The following FAR2 variants were observed in gnomAD, a reference collection of about 807,000 sequenced individuals.
FAR2 encodes fatty acyl-CoA reductase 2.
Under a neutral mutation model 56.0 loss-of-function variants are expected in FAR2, and 19 were observed. That is an observed-to-expected ratio of 0.34 (90% CI 0.24 to 0.50). FAR2 has a LOEUF of 0.50. Ranked by LOEUF, FAR2 falls within the 20% of genes least tolerant of loss-of-function variation. FAR2 has a pLI of 0.98. For missense variants in FAR2, 508 were observed against 642.2 expected (o/e 0.79, Z 2.26); for synonymous variants, 219 against 218.8 (o/e 1.00, Z -0.01).
chr12:29,277,936 T>TC (rs1565501574), intron 2 of FAR2: 7 of 131,654 alleles, frequency 5.3e-5, no homozygotes, highest in Admixed American at 2.8e-4. Flanking sequence ...TTCTTTCTTT[T>TC]TTTTTTTTTT....
intron 1 of FAR2, among the ~76,000 whole-genome samples, chr12:29,269,502 T>C (rs533227040): frequency 6.6e-6 from 1 of 152,290 alleles, no homozygotes; most frequent in African/African-American, 2.4e-5. Context: ...TGAGGCGACA[T>C]ACATCCTCCT....
At chr12:29,167,343 T>C (rs1471386186) in intron 1 of FAR2, among the ~76,000 whole-genome samples, 1 of 152,166 alleles carries the variant, frequency 6.6e-6, no homozygotes, top group Non-Finnish European at 1.5e-5. Flanking sequence ...TAACCAAAGA[T>C]CTGTCTCTGG....
chr12:29,163,329 G>C (rs1949798126), intron 1 of FAR2, among the ~76,000 whole-genome samples: 1 of 152,250 alleles, frequency 6.6e-6, no homozygotes, highest in Non-Finnish European at 1.5e-5. Context: ...TTGACACTGA[G>C]TATGTGTTTA....
intron 1 of FAR2, among the ~76,000 whole-genome samples, chr12:29,247,715 C>G (rs1328329065): frequency 6.6e-6 from 1 of 152,132 alleles, no homozygotes; most frequent in Non-Finnish European, 1.5e-5. Context: ...TAGAAATTTC[C>G]AACTTTATTT....
chr12:29,252,329 G>T (rs1458634595), intron 1 of FAR2, among the ~76,000 whole-genome samples: 1 of 152,124 alleles, frequency 6.6e-6, no homozygotes. Context: ...GAAGGTTTGG[G>T]TCATCCCACG....
intron 1 of FAR2, among the ~76,000 whole-genome samples, chr12:29,198,353 G>A (rs10843343): frequency 0.74 from 111,903 of 151,690 alleles, 43,307 homozygotes; most frequent in East Asian, 0.91. Flanking sequence ...CTCAGCCTCC[G>A]GAGTAGCTGG....
At chr12:29,194,994 A>T (rs1245864597) in intron 1 of FAR2, among the ~76,000 whole-genome samples, 1 of 152,186 alleles carries the variant, frequency 6.6e-6, no homozygotes, top group East Asian at 1.9e-4. Flanking sequence ...TCTAAGTGGC[A>T]TCTCTGTCTC....
intron 2 of FAR2, among the ~76,000 whole-genome samples, chr12:29,276,388 G>A (rs1197620437): frequency 6.6e-6 from 1 of 152,042 alleles, no homozygotes; most frequent in Non-Finnish European, 1.5e-5. Flanking sequence ...ACACATCTAC[G>A]GTAGATCACA....
At chr12:29,235,943 A>G (rs1947935326) in intron 1 of FAR2, among the ~76,000 whole-genome samples, 1 of 152,192 alleles carries the variant, frequency 6.6e-6, no homozygotes, top group Non-Finnish European at 1.5e-5. Flanking sequence ...CAACAGGTAC[A>G]AACAGGTACA....
At chr12:29,330,668 G>GA (rs1949718630) in intron 10 of FAR2, among the ~76,000 whole-genome samples, 1 of 152,102 alleles carries the variant, frequency 6.6e-6, no homozygotes, top group Non-Finnish European at 1.5e-5. Flanking sequence ...TTCCTGAAGA[G>GA]AAAAAGAGCT....
intron 10 of FAR2, among the ~76,000 whole-genome samples, chr12:29,328,908 GA>G (rs975441813): frequency 4.0e-5 from 6 of 148,968 alleles, no homozygotes; most frequent in East Asian, 2.0e-4. Context: ...TTAAAAAAAA[GA>G]AAAAAAAACA....
At chr12:29,177,434 A>G (rs879572870) in intron 1 of FAR2, among the ~76,000 whole-genome samples, 4 of 152,216 alleles carry the variant, frequency 2.6e-5, no homozygotes, top group Admixed American at 6.5e-5. Flanking sequence ...ACTTCTGTGA[A>G]AAAAGTGTGG....
At chr12:29,163,423 C>G (rs1591824878) in intron 1 of FAR2, among the ~76,000 whole-genome samples, 1 of 152,228 alleles carries the variant, frequency 6.6e-6, no homozygotes, top group Non-Finnish European at 1.5e-5. Flanking sequence ...GTATTATCCA[C>G]AGCATTTGTC....
Position 29,270,580 on chromosome 12 carries a change from T to A in FAR2, c.131T>A (p.Val44Glu), listed in dbSNP as rs1368608414. The A allele has an allele frequency of 6.2e-7, 1 of 1,614,136 alleles. No homozygotes were observed. The highest frequency in any genetic ancestry group is 8.5e-7 in the Non-Finnish European group (1 of 1,179,986). The change falls in exon 2 of 12, where the codon GTG becomes GAG. Residue 44 changes from valine (V) to glutamate (E), a missense_variant. Transcript: ENST00000536681. ...GACCTGAAAGTCATTTACATCCTTG[T>A]GAGGCCCAAGGCTGGCCAGACACTG... ...SPDLKVIYILVRPKAGQTLQQ... is the reference protein window; with the variant it reads ...SPDLKVIYILERPKAGQTLQQ...
At chr12:29,307,868 T>C in intron 5 of FAR2, 33 bp downstream of exon 5, 1 of 1,587,270 alleles carries the variant, frequency 6.3e-7, no homozygotes, top group Non-Finnish European at 8.5e-7. Flanking sequence ...TGTGTTTTGC[T>C]TCCAAACTAA....
At chr12:29,232,556 A>T (rs1038823202) in intron 1 of FAR2, among the ~76,000 whole-genome samples, 1 of 152,040 alleles carries the variant, frequency 6.6e-6, no homozygotes, top group Non-Finnish European at 1.5e-5. Context: ...TATCAAATAG[A>T]GGTTGTTCAT....
At chr12:29,199,365 C>T (rs1947375144) in intron 1 of FAR2, among the ~76,000 whole-genome samples, 1 of 151,834 alleles carries the variant, frequency 6.6e-6, no homozygotes, top group African/African-American at 2.4e-5. Context: ...TTTGGGAGGC[C>T]GAGGCGGGTG....
chr12:29,333,349 A>T (rs1949758314), intron 11 of FAR2: 1 of 343,868 alleles, frequency 2.9e-6, no homozygotes, highest in African/African-American at 2.1e-5. Context: ...ATGTGGTAAC[A>T]TGACCAAAGT....
At chr12:29,157,478 C>T (rs1949739189) in intron 1 of FAR2, among the ~76,000 whole-genome samples, 2 of 152,078 alleles carry the variant, frequency 1.3e-5, no homozygotes, top group South Asian at 2.1e-4. Context: ...AGCAAACACT[C>T]CTCCCTGTGA....
Sources: allele counts gnomAD v4.1 joint callset (sites outside exome capture counted in the v4.1 genomes callset), GRCh38; gene constraint gnomAD v4.1.1; transcripts MANE v1.5; gene names NCBI Gene and HGNC (gene_info 2026-07-23, HGNC 2026-07-21).